Variants in COLEC12 observed in about 807,000 individuals in gnomAD.
COLEC12 encodes the protein collectin subfamily member 12, also known as collectin-12.
COLEC12 carries 33 observed loss-of-function variants against 71.1 expected under a neutral mutation model. The ratio of observed to expected loss-of-function variants is 0.46; its 90% CI spans 0.35 to 0.62. The LOEUF (loss-of-function observed/expected upper bound fraction) is 0.62, where lower values mean the gene tolerates loss of function less well. COLEC12 is among the 20% of genes least tolerant of loss of function. The pLI, the probability that COLEC12 is intolerant of heterozygous loss-of-function variation, is 0.00. For synonymous variants in COLEC12, 350 were observed against 353.0 expected, an observed-to-expected ratio of 0.99 and a Z score of 0.10; for missense variants, 765 against 916.1, an observed-to-expected ratio of 0.84 and a Z score of 2.13.
chr18:480,608 C>T lies in COLEC12; in HGVS notation c.58+99G>A. The T allele has an allele frequency of 9.6e-7, 1 of 1,041,982 alleles. No homozygotes were observed. Among genetic ancestry groups the T allele is most frequent in the Non-Finnish European group, 1.5e-6 (1 of 659,176 alleles). The allele number at this position is 1,041,982 out of a possible 1,614,324, so 64.5% of individuals were successfully genotyped here. On this transcript the variant is annotated intron_variant, in intron 2 of 9. Coordinates refer to ENST00000400256, the MANE Select transcript of COLEC12 (RefSeq NM_130386.3). This position sits in a 1 kb window ranked among gnomAD's most constrained non-coding sequence, Gnocchi z 4.1. Reference sequence around the variant, plus strand: ...CCTCAGAGCCACAAACACCCATGTGCATGAAGGGCCTGCCAGTGGCCTGCC... The same window carrying T: ...CCTCAGAGCCACAAACACCCATGTGTATGAAGGGCCTGCCAGTGGCCTGCC...
chr18:391,059 G>A (rs1915453781), intron 2 of COLEC12, among the ~76,000 whole-genome samples: 1 of 152,118 alleles, frequency 6.6e-6, no homozygotes, highest in African/African-American at 2.4e-5. Flanking sequence ...TGAATTTCCG[G>A]TTTTATTACA....
At chr18:463,249 T>C (rs1480516106) in intron 2 of COLEC12, among the ~76,000 whole-genome samples, 1 of 152,226 alleles carries the variant, frequency 6.6e-6, no homozygotes. Context: ...ACTACCTTCA[T>C]AATGTTTTGT....
chr18:401,298 T>C (rs1395760465), intron 2 of COLEC12, among the ~76,000 whole-genome samples: 1 of 152,232 alleles, frequency 6.6e-6, no homozygotes, highest in African/African-American at 2.4e-5. Context: ...TTTATTTGCA[T>C]TATAGTTCTT....
intron 2 of COLEC12, among the ~76,000 whole-genome samples, chr18:388,150 A>G (rs1915387187): frequency 6.6e-6 from 1 of 152,224 alleles, no homozygotes; most frequent in Non-Finnish European, 1.5e-5. Flanking sequence ...AGGGGTAAGG[A>G]ACAAAAAGAA....
intron 4 of COLEC12, among the ~76,000 whole-genome samples, chr18:347,807 G>GT (rs369886196): frequency 2.6e-4 from 40 of 151,770 alleles, no homozygotes; most frequent in African/African-American, 8.5e-4. Context: ...GGGTATTTGT[G>GT]TTTTTTTTCA....
In COLEC12 at chr18:333,046, C is replaced by T; in HGVS notation, c.1914G>A (p.Lys638=). The change falls in exon 7 of 10, where the codon AAG becomes AAA. Residue 638 remains lysine (K), a synonymous_variant. Coordinates refer to ENST00000400256, the MANE Select transcript of COLEC12 (RefSeq NM_130386.3). ...FEDAKLFCED[K]SSHLVFINTR... ...TGTTTATGAAAACAAGATGTGAAGA[C>T]TTGTCTTCACAGAAAAGCTTTGCAT... The T allele has an allele frequency of 1.2e-6, 2 of 1,611,148 alleles. No individual in the cohort carries two copies. The highest frequency in any genetic ancestry group is 1.7e-6 in the Non-Finnish European group (2 of 1,179,196).
chr18:442,699 C>T (rs1158837170), intron 2 of COLEC12, among the ~76,000 whole-genome samples: 2 of 152,236 alleles, frequency 1.3e-5, no homozygotes, highest in African/African-American at 2.4e-5. Context: ...CAGTGGCTCA[C>T]GCCTGTAATC....
intron 3 of COLEC12, among the ~76,000 whole-genome samples, chr18:353,119 ACTT>A (rs1019917383): frequency 6.6e-6 from 1 of 151,998 alleles, no homozygotes; most frequent in Non-Finnish European, 1.5e-5. Flanking sequence ...TGGGCCACTA[ACTT>A]CTTCTTCCCT....
At chr18:484,735 G>A (rs1917487904) in intron 1 of COLEC12, among the ~76,000 whole-genome samples, 2 of 152,220 alleles carry the variant, frequency 1.3e-5, no homozygotes, top group African/African-American at 4.8e-5. Context: ...GTTTTCAAAA[G>A]TTGACTTTAG....
At chr18:409,246 G>A (rs899393285) in intron 2 of COLEC12, among the ~76,000 whole-genome samples, 1 of 152,216 alleles carries the variant, frequency 6.6e-6, no homozygotes, top group Non-Finnish European at 1.5e-5. Flanking sequence ...GGCTGTAAAA[G>A]AAACGTCTCC....
chr18:448,552 C>G (rs1364036314), intron 2 of COLEC12, among the ~76,000 whole-genome samples: 3 of 152,134 alleles, frequency 2.0e-5, no homozygotes, highest in Non-Finnish European at 4.4e-5. Context: ...ACCCCCAAGC[C>G]CCTGCCAAAC....
chr18:499,825 G>A (rs1161754188), intron 1 of COLEC12, among the ~76,000 whole-genome samples: 1 of 152,212 alleles, frequency 6.6e-6, no homozygotes, highest in African/African-American at 2.4e-5. Flanking sequence ...AGGACACCGC[G>A]CAGGGGGCGA....
chr18:375,319 T>C (rs909136290), intron 2 of COLEC12, among the ~76,000 whole-genome samples: 9 of 152,234 alleles, frequency 5.9e-5, no homozygotes, highest in Non-Finnish European at 8.8e-5. Context: ...GGCCTTTGCA[T>C]GGGCCGTTTC....
chr18:397,253 A>G (rs1400853895), intron 2 of COLEC12, among the ~76,000 whole-genome samples: 1 of 152,152 alleles, frequency 6.6e-6, no homozygotes, highest in African/African-American at 2.4e-5. Context: ...ACTTTTGAAC[A>G]TCAACCTTAG....
At chr18:385,356 G>A (rs184221219) in intron 2 of COLEC12, among the ~76,000 whole-genome samples, 20 of 126,896 alleles carry the variant, frequency 1.6e-4, no homozygotes, top group African/African-American at 5.9e-4. Context: ...ACAGAGTCTC[G>A]CTCTGTTGCC....
intron 2 of COLEC12, among the ~76,000 whole-genome samples, chr18:446,458 T>C (rs1412527060): frequency 2.0e-5 from 3 of 151,500 alleles, no homozygotes; most frequent in African/African-American, 7.3e-5. Context: ...TCCCAGCACT[T>C]TGGGAGGCCA....
chr18:385,826 A>G (rs1208505301), intron 2 of COLEC12, among the ~76,000 whole-genome samples: 1 of 152,224 alleles, frequency 6.6e-6, no homozygotes, highest in African/African-American at 2.4e-5. Context: ...AATACCACAG[A>G]AAATTAGTAA....
At chr18:423,632 T>G (rs1442730709) in intron 2 of COLEC12, 1 of 152,212 alleles carries the variant, frequency 6.6e-6, no homozygotes, top group East Asian at 1.9e-4. Context: ...GAGAAACCAG[T>G]AAATGAGATT....
intron 2 of COLEC12, among the ~76,000 whole-genome samples, chr18:426,093 G>A (rs745491377): frequency 2.6e-5 from 4 of 152,120 alleles, no homozygotes; most frequent in Non-Finnish European, 4.4e-5. Flanking sequence ...ATCAGAGGTC[G>A]GATTCAGACA....
Sources: gnomAD v4.1 joint callset for allele counts (sites outside exome capture counted in the v4.1 genomes callset) on GRCh38, gnomAD v4.1.1 for gene constraint, Gnocchi (gnomAD v3.1) non-coding constraint, MANE v1.5 for transcripts, NCBI Gene and HGNC (gene_info 2026-07-23, HGNC 2026-07-21) for gene names.